The following RGSL1 variants were observed in gnomAD, a reference collection of about 807,000 sequenced individuals.
RGSL1 encodes regulator of G protein signaling protein-like.
A neutral mutation model predicts 124.7 loss-of-function variants in RGSL1; 97 were observed. That is an observed-to-expected ratio of 0.78 (90% confidence interval 0.66 to 0.92). The LOEUF (loss-of-function observed/expected upper bound fraction) is 0.92, where lower values mean the gene tolerates loss of function less well. Among genes scored for constraint, RGSL1 ranks in the 40% least tolerant of loss-of-function variants. RGSL1 has a pLI of 0.00. For missense variants in RGSL1, 1,233 were observed against 1,288.4 expected (o/e 0.96, Z 0.66); for synonymous variants, 424 against 438.1 (o/e 0.97, Z 0.40).
intron 2 of RGSL1, among the ~76,000 whole-genome samples, chr1:182,455,454 A>T (rs1361484830): frequency 1.3e-5 from 2 of 151,936 alleles, no homozygotes; most frequent in East Asian, 1.9e-4. Context: ...TGGTGGCGGG[A>T]GCCTGTAGTG....
At chr1:182,498,786 T>C (rs1256589812) in intron 9 of RGSL1, among the ~76,000 whole-genome samples, 1 of 124,428 alleles carries the variant, frequency 8.0e-6, no homozygotes, top group Non-Finnish European at 1.6e-5. Context: ...CTTTTCTTTT[T>C]CCTTTGTTTG....
intron 6 of RGSL1, among the ~76,000 whole-genome samples, chr1:182,481,160 A>G (rs1422909466): frequency 3.3e-5 from 5 of 152,122 alleles, no homozygotes; most frequent in African/African-American, 9.7e-5. Context: ...CATAAAACTA[A>G]GTTTGTTTTC....
intron 6 of RGSL1, 86 bp from the exon 7 acceptor site, chr1:182,488,199 A>G (rs1044295232): frequency 3.8e-6 from 5 of 1,307,376 alleles, no homozygotes; most frequent in Non-Finnish European, 5.4e-6. Flanking sequence ...TCTTCAGCCT[A>G]CTCTGCTCCC....
At chr1:182,459,260 T>C (rs1442419233) in intron 3 of RGSL1, among the ~76,000 whole-genome samples, 7 of 152,234 alleles carry the variant, frequency 4.6e-5, no homozygotes, top group African/African-American at 1.4e-4. Context: ...TTTTTCTTTT[T>C]TCTTATTTTT....
intron 10 of RGSL1, among the ~76,000 whole-genome samples, chr1:182,524,829 G>A (rs1180307716): frequency 2.6e-5 from 4 of 152,134 alleles, no homozygotes; most frequent in African/African-American, 9.7e-5. Context: ...GATACTAGTT[G>A]AGCAAGCAGT....
intron 17 of RGSL1, 56 bp downstream of exon 17, chr1:182,548,880 G>A: frequency 6.5e-7 from 1 of 1,538,452 alleles, no homozygotes; most frequent in South Asian, 1.2e-5. Context: ...ACTTAGTTTG[G>A]AGAGAGTTTT....
At position 182,460,015 on chromosome 1, in the gene RGSL1, C is replaced by T. The variant is rs1183180271; in HGVS notation, c.183C>T (p.Tyr61=). 2.6e-6 allele frequency: 4 copies of T among 1,551,094 alleles called. No individual in the cohort carries two copies. Among genetic ancestry groups the T allele is most frequent in the Admixed American group, 3.9e-5 (2 of 50,882 alleles). Residue 61 remains tyrosine, a synonymous_variant, in exon 4 of 22, where the codon TAC becomes TAT. Transcript: ENST00000294854. ...PEIPCNLIAK[Y]KGLLTWLEKC... ...TGCTTTGACTCTAGATTGCCAAATA[C>T]AAAGGGTTATTGACCTGGTTGGAAA...
At chr1:182,484,412 G>A (rs73057379) in intron 6 of RGSL1, among the ~76,000 whole-genome samples, 16,143 of 152,114 alleles carry the variant, frequency 0.11, 1,044 homozygotes, top group South Asian at 0.18. Context: ...GCAGGACACT[G>A]CTTTAAATCA....
At chr1:182,472,744 G>C (rs1210122825) in intron 5 of RGSL1, 187 bp downstream of exon 5, 2 of 545,904 alleles carry the variant, frequency 3.7e-6, no homozygotes, top group East Asian at 6.1e-5. Context: ...CCTTAAGCTG[G>C]CACTTGCCTC....
intron 20 of RGSL1, 98 bp downstream of exon 20, chr1:182,554,791 C>G: frequency 8.7e-7 from 1 of 1,155,178 alleles, no homozygotes; most frequent in South Asian, 1.3e-5. Context: ...TAGCCTCATA[C>G]CCTGCCTCTC....
At chr1:182,489,979 A>G (rs1655398551) in intron 8 of RGSL1, among the ~76,000 whole-genome samples, 1 of 152,176 alleles carries the variant, frequency 6.6e-6, no homozygotes. Flanking sequence ...TCAAACTTTG[A>G]TCCACAATAA....
rs1174849087 is a variant in RGSL1, at chr1:182,556,074, G to T, written c.*17G>T. ...GAGAAGTAATCAAGCGAGACCCCCA[G>T]CAGAGATAAATCATCTCTTAGAGGC... is the stretch of plus-strand genomic sequence containing the variant. On this transcript the variant is annotated 3_prime_UTR_variant, in exon 21 of 22. Transcript: ENST00000294854. 1.3e-6 allele frequency: 2 copies of T among 1,550,446 alleles called. No homozygotes were observed. Among genetic ancestry groups the T allele is most frequent in the African/African-American group, 2.7e-5 (2 of 72,974 alleles).
intron 17 of RGSL1, chr1:182,550,665 T>G: frequency 6.2e-6 from 1 of 161,248 alleles, no homozygotes; most frequent in Non-Finnish European, 1.3e-5. Flanking sequence ...AGTGAGGTGG[T>G]CAAGGCTGTC....
intron 18 of RGSL1, among the ~76,000 whole-genome samples, chr1:182,552,555 T>C (rs985388137): frequency 1.3e-5 from 2 of 152,196 alleles, no homozygotes; most frequent in African/African-American, 4.8e-5. Flanking sequence ...AGAGTCATAA[T>C]ATACAAGCTG....
chr1:182,530,170 A>C lies in RGSL1; in HGVS notation c.2126-74A>C, dbSNP rs933496134. ...TGTGAGACTCTAAGATAAAAAAAAA[A>C]AACAAAAAACCACCAGCTATCTCAG... is the stretch of plus-strand genomic sequence containing the variant. On this transcript the variant is annotated intron_variant, in intron 11 of 21. Coordinates refer to ENST00000294854, the MANE Select transcript of RGSL1 (RefSeq NM_001137669.2). 3.2e-5 allele frequency: 38 copies of C among 1,187,856 alleles called. 1 individual carries two copies. The African/African-American group carries it at 5.2e-4, about 16-fold the overall frequency. 73.6% of individuals were successfully genotyped at this position (1,187,856 alleles called of 1,614,324 possible).
chr1:182,473,620 C>T lies in RGSL1; in HGVS notation c.509C>T (p.Thr170Ile). The change falls in exon 6 of 22, where the codon ACT becomes ATT. Residue 170 changes from threonine to isoleucine, a missense_variant. Physicochemically the swap from Thr to Ile is moderately conservative, Grantham distance 89. Transcript: ENST00000294854. ...ATCTGGCATCCCAACCAATCAACCACTAGGAGGGAGATCCTGAGCCACATG... is the reference window on the plus strand; with the variant it reads ...ATCTGGCATCCCAACCAATCAACCATTAGGAGGGAGATCCTGAGCCACATG... ...LSIWHPNQSTTRREILSHMQK... is the reference protein window; with the variant it reads ...LSIWHPNQSTIRREILSHMQK... 1 of 1,550,832 alleles carries T rather than the reference C, an allele frequency of 6.4e-7. No individual in the cohort carries two copies. Among genetic ancestry groups the T allele is most frequent in the East Asian group, 2.4e-5 (1 of 40,914 alleles).
intron 15 of RGSL1, among the ~76,000 whole-genome samples, chr1:182,543,221 A>G (rs1660000522): frequency 6.6e-6 from 1 of 151,990 alleles, no homozygotes; most frequent in Admixed American, 6.6e-5. Flanking sequence ...TTTGAGGTAT[A>G]TTTCTTCCAT....
chr1:182,557,713 A>G (rs1435864066), intron 21 of RGSL1, among the ~76,000 whole-genome samples: 1 of 152,150 alleles, frequency 6.6e-6, no homozygotes, highest in Non-Finnish European at 1.5e-5. Context: ...ACACACAAAC[A>G]TGTTATTTAA....
intron 21 of RGSL1, among the ~76,000 whole-genome samples, chr1:182,557,141 A>C (rs541372481): frequency 6.6e-6 from 1 of 152,190 alleles, no homozygotes; most frequent in South Asian, 2.1e-4. Flanking sequence ...ACTCTAGAGG[A>C]GGCTGAAAAA....
Sources: gnomAD v4.1 joint callset for allele counts (sites outside exome capture counted in the v4.1 genomes callset) on GRCh38, gnomAD v4.1.1 for gene constraint, MANE v1.5 for transcripts, NCBI Gene and HGNC (gene_info 2026-07-23, HGNC 2026-07-21) for gene names.